PDZRN4: variants seen among roughly 807,000 people sequenced by gnomAD.
PDZRN4 encodes PDZ domain containing ring finger 4.
PDZRN4 carries 70 observed loss-of-function variants against 99.0 expected under a neutral mutation model. That is an observed-to-expected ratio of 0.71 (90% CI 0.58 to 0.86). PDZRN4 has a LOEUF of 0.86. PDZRN4 is among the 40% of genes least tolerant of loss of function. PDZRN4 has a pLI of 0.00. For missense variants in PDZRN4, 1,474 were observed against 1,331.2 expected (o/e 1.11, Z -1.67); for synonymous variants, 551 against 501.6 (o/e 1.10, Z -1.32).
Position 41,481,262 on chromosome 12 carries a change from C to A in PDZRN4, c.844-25194C>A, listed in dbSNP as rs186235905. Among the ~76,000 whole-genome samples the A allele has an allele frequency of 2.7e-3, 407 of 152,130 alleles. 6 individuals carry two copies. The highest frequency in any genetic ancestry group is 8.7e-4 in the Non-Finnish European group (59 of 67,984). ...TAGTCATCTCTGTTTTTTCTCTTCCCAGTCTGACCACCCATAATTAGACAC... is the reference window on the plus strand; with the variant it reads ...TAGTCATCTCTGTTTTTTCTCTTCCAAGTCTGACCACCCATAATTAGACAC... On this transcript the variant is annotated intron_variant, in intron 3 of 9. Transcript: ENST00000402685.
intron 3 of PDZRN4, among the ~76,000 whole-genome samples, chr12:41,250,612 T>G (rs1951162866): frequency 6.6e-6 from 1 of 152,202 alleles, no homozygotes; most frequent in Non-Finnish European, 1.5e-5. Flanking sequence ...TGGGTGTGCT[T>G]GACAGGTTTG....
intron 5 of PDZRN4, among the ~76,000 whole-genome samples, chr12:41,513,528 C>T (rs1938344469): frequency 6.6e-6 from 1 of 151,922 alleles, no homozygotes; most frequent in Non-Finnish European, 1.5e-5. Context: ...AAAAAATAAA[C>T]ATATACAAAT....
chr12:41,416,280 A>G (rs1383970232), intron 3 of PDZRN4, among the ~76,000 whole-genome samples: 1 of 152,154 alleles, frequency 6.6e-6, no homozygotes, highest in Admixed American at 6.6e-5. Context: ...TTCTGTTGTA[A>G]ATAAGAGAAT....
At chr12:41,522,119 A>G (rs1565605291) in intron 5 of PDZRN4, among the ~76,000 whole-genome samples, 1 of 152,138 alleles carries the variant, frequency 6.6e-6, no homozygotes, top group African/African-American at 2.4e-5. Flanking sequence ...CCTTTTAAGC[A>G]AAGGTTGTAA....
chr12:41,249,530 T>C (rs921046987), intron 3 of PDZRN4, among the ~76,000 whole-genome samples: 3 of 152,186 alleles, frequency 2.0e-5, no homozygotes, highest in African/African-American at 7.2e-5. Context: ...AGAAGGTACC[T>C]GAATGAATGG....
chr12:41,416,212 C>A (rs1446998950), intron 3 of PDZRN4, among the ~76,000 whole-genome samples: 1 of 152,188 alleles, frequency 6.6e-6, no homozygotes, highest in East Asian at 1.9e-4. Context: ...TGTAGACATA[C>A]ATCCACTGTA....
chr12:41,418,730 G>A (rs1042578965), intron 3 of PDZRN4, among the ~76,000 whole-genome samples: 18 of 152,188 alleles, frequency 1.2e-4, no homozygotes, highest in Admixed American at 5.2e-4. Flanking sequence ...GAGCTCTGAT[G>A]TATGAAGGAA....
intron 3 of PDZRN4, among the ~76,000 whole-genome samples, chr12:41,457,206 G>T (rs1489350705): frequency 6.6e-6 from 1 of 152,164 alleles, no homozygotes; most frequent in African/African-American, 2.4e-5. Context: ...ACCTTAATAT[G>T]ATATAAACAC....
chr12:41,206,840 A>G (rs780322721), intron 3 of PDZRN4, among the ~76,000 whole-genome samples: 1 of 151,942 alleles, frequency 6.6e-6, no homozygotes, highest in Non-Finnish European at 1.5e-5. Context: ...GGAGAAAGAG[A>G]AGTAATTCTG....
chr12:41,478,017 G>A (rs1231301685), intron 3 of PDZRN4: 18 of 771,710 alleles, frequency 2.3e-5, no homozygotes, highest in South Asian at 3.2e-5. Flanking sequence ...AAATGTGGCT[G>A]CTTTGGTCTT....
At chr12:41,208,183 C>A (rs1434218904) in intron 3 of PDZRN4, among the ~76,000 whole-genome samples, 1 of 151,846 alleles carries the variant, frequency 6.6e-6, no homozygotes, top group Admixed American at 6.6e-5. Flanking sequence ...TCCCAGGATT[C>A]ATAATCTATT....
intron 3 of PDZRN4, among the ~76,000 whole-genome samples, chr12:41,262,388 A>C (rs1951246226): frequency 1.3e-5 from 2 of 152,222 alleles, no homozygotes; most frequent in South Asian, 4.1e-4. Flanking sequence ...GAGTGTCTTC[A>C]TAAAATGGAA....
intron 6 of PDZRN4, among the ~76,000 whole-genome samples, chr12:41,554,797 T>C (rs768496003): frequency 7.2e-5 from 11 of 151,926 alleles, no homozygotes; most frequent in Non-Finnish European, 1.2e-4. Flanking sequence ...ATTAAATGCA[T>C]GGATCAGATG....
At chr12:41,331,816 A>G (rs575483046) in intron 3 of PDZRN4, among the ~76,000 whole-genome samples, 55 of 152,228 alleles carry the variant, frequency 3.6e-4, no homozygotes, top group African/African-American at 1.3e-3. Flanking sequence ...AAAGCCCCTT[A>G]TAAAACCTAT....
At chr12:41,196,555 A>G (rs1950774646) in intron 3 of PDZRN4, among the ~76,000 whole-genome samples, 1 of 152,110 alleles carries the variant, frequency 6.6e-6, no homozygotes, top group African/African-American at 2.4e-5. Flanking sequence ...CAGTGATGCT[A>G]TCGGCTTTTT....
intron 3 of PDZRN4, among the ~76,000 whole-genome samples, chr12:41,306,185 C>T (rs1281774449): frequency 6.6e-6 from 1 of 152,212 alleles, no homozygotes; most frequent in Non-Finnish European, 1.5e-5. Context: ...CTCCACAGCT[C>T]AGGGAGCCAC....
At chr12:41,242,308 T>C (rs1951106432) in intron 3 of PDZRN4, among the ~76,000 whole-genome samples, 1 of 152,196 alleles carries the variant, frequency 6.6e-6, no homozygotes, top group South Asian at 2.1e-4. Context: ...AAAATAAATT[T>C]CTCAAGGAGG....
intron 3 of PDZRN4, among the ~76,000 whole-genome samples, chr12:41,482,416 A>C (rs1389796375): frequency 6.6e-6 from 1 of 152,174 alleles, no homozygotes; most frequent in Non-Finnish European, 1.5e-5. Flanking sequence ...ACAAGGAAAA[A>C]AAGGAAGAGG....
At chr12:41,235,786 A>G (rs1951063135) in intron 3 of PDZRN4, among the ~76,000 whole-genome samples, 1 of 152,218 alleles carries the variant, frequency 6.6e-6, no homozygotes, top group Non-Finnish European at 1.5e-5. Flanking sequence ...AAATGCATAG[A>G]TATGCACAAA....
Sources: gnomAD v4.1 joint callset for allele counts (sites outside exome capture counted in the v4.1 genomes callset) on GRCh38, gnomAD v4.1.1 for gene constraint, MANE v1.5 for transcripts, NCBI Gene and HGNC (gene_info 2026-07-23, HGNC 2026-07-21) for gene names.